The following CTNNB1 variants were observed in gnomAD, a reference collection of about 807,000 sequenced individuals.
CTNNB1 encodes catenin beta 1.
Under a neutral mutation model 82.5 loss-of-function variants are expected in CTNNB1, and 6 were observed. That is an observed-to-expected ratio of 0.07 (90% CI 0.04 to 0.14). CTNNB1 has a LOEUF of 0.14. CTNNB1 is among the 10% of genes least tolerant of loss of function. The pLI, the probability that CTNNB1 is intolerant of heterozygous loss-of-function variation, is 1.00. For missense variants in CTNNB1, 529 were observed against 980.4 expected (o/e 0.54, Z 6.15); for synonymous variants, 312 against 329.7 (o/e 0.95, Z 0.58).
intron 1 of CTNNB1, among the ~76,000 whole-genome samples, chr3:41,220,196 CT>C (rs1214462278): frequency 4.0e-5 from 6 of 149,200 alleles, no homozygotes; most frequent in East Asian, 3.9e-4. Context: ...TTTCCTATTT[CT>C]TTTTTTTTTC....
At chr3:41,212,810 GTTAT>G (rs1424057321) in intron 1 of CTNNB1, among the ~76,000 whole-genome samples, 2 of 152,178 alleles carry the variant, frequency 1.3e-5, no homozygotes, top group African/African-American at 2.4e-5. Flanking sequence ...CTTTATTCCT[GTTAT>G]TTAATTTTTC....
chr3:41,224,660 G>A lies in CTNNB1; in HGVS notation c.148G>A (p.Gly50Ser), dbSNP rs2078132558. The change falls in exon 3 of 15, where the codon GGC (glycine) becomes AGC (serine). Residue 50 changes from glycine (G) to serine (S), a missense_variant. By Grantham distance (56) the Gly-to-Ser change is moderately conservative. This residue lies in a region of CTNNB1 where 411 missense variants were observed against 776.4 expected (regional missense o/e 0.53). Transcript: ENST00000349496. ...TTTAPSLSGK[G>S]NPEEEDVDTS... ...CACAGCTCCTTCTCTGAGTGGTAAA[G>A]GCAATCCTGAGGAAGAGGATGTGGA... 6.2e-7 allele frequency: 1 copy of A among 1,613,958 alleles called. No individual in the cohort carries two copies. The highest frequency in any genetic ancestry group is 8.5e-7 in the Non-Finnish European group (1 of 1,179,952).
At chr3:41,237,540 C>T (rs2078466333) in intron 13 of CTNNB1, 1 of 154,212 alleles carries the variant, frequency 6.5e-6, no homozygotes, top group African/African-American at 2.4e-5. Flanking sequence ...AACTTGAGCC[C>T]TTAACTTTCT....
chr3:41,214,162 G>A (rs1215087902), intron 1 of CTNNB1, among the ~76,000 whole-genome samples: 1 of 152,098 alleles, frequency 6.6e-6, no homozygotes, highest in Non-Finnish European at 1.5e-5. Flanking sequence ...GGATCATATG[G>A]TTTGACTTTA....
intron 13 of CTNNB1, chr3:41,237,598 A>T (rs1266682485): frequency 5.9e-6 from 1 of 170,588 alleles, no homozygotes; most frequent in Non-Finnish European, 1.2e-5. Flanking sequence ...TCTCTGTCTT[A>T]GTTAATGTCA....
chr3:41,218,460 C>T (rs916080152), intron 1 of CTNNB1, among the ~76,000 whole-genome samples: 4 of 152,108 alleles, frequency 2.6e-5, no homozygotes, highest in Non-Finnish European at 4.4e-5. Flanking sequence ...TCTCATTTTA[C>T]TGTTATGAAT....
At chr3:41,229,859 C>T (rs375530832) in intron 7 of CTNNB1, among the ~76,000 whole-genome samples, 2 of 145,996 alleles carry the variant, frequency 1.4e-5, no homozygotes, top group Non-Finnish European at 3.0e-5. Flanking sequence ...ATGGTTTGTA[C>T]TAGGGCCTCT....
intron 1 of CTNNB1, among the ~76,000 whole-genome samples, chr3:41,202,599 T>C (rs1185538747): frequency 6.6e-6 from 1 of 152,178 alleles, no homozygotes; most frequent in Non-Finnish European, 1.5e-5. Flanking sequence ...ATGTAGCCAT[T>C]GCCTCCTTGT....
intron 1 of CTNNB1, among the ~76,000 whole-genome samples, chr3:41,213,911 A>AT (rs2077855329): frequency 1.3e-5 from 2 of 152,208 alleles, no homozygotes; most frequent in Admixed American, 1.3e-4. Context: ...AGAGAGCCTC[A>AT]TAATTATGAG....
At chr3:41,236,565 G>T (rs2078439702) in intron 12 of CTNNB1, 23 bp from the exon 13 acceptor site, 1 of 1,614,108 alleles carries the variant, frequency 6.2e-7, no homozygotes, top group Non-Finnish European at 8.5e-7. Flanking sequence ...TTCCTCAAGG[G>T]CCTTTTTCTC....
At position 41,234,178 on chromosome 3, in the gene CTNNB1, G is replaced by T. The variant is rs764576683; in HGVS notation, c.1564G>T (p.Ala522Ser). ...GLIRNLALCP[A>S]NHAPLREQGA... is the part of the protein sequence containing the mutation. ...GATTCGAAATCTTGCCCTTTGTCCC[G>T]CAAATCATGCACCTTTGCGTGAGCA... is the stretch of plus-strand genomic sequence containing the variant. Residue 522 changes from alanine to serine, a missense_variant, in exon 10 of 15, where the codon GCA (alanine) becomes TCA (serine). Ala to Ser is a moderately conservative substitution (Grantham distance 99, BLOSUM62 1). Transcript: ENST00000349496. 4.3e-6 allele frequency: 7 copies of T among 1,613,982 alleles called. No individual in the cohort carries two copies. Among genetic ancestry groups the T allele is most frequent in the South Asian group, 2.2e-5 (2 of 91,070 alleles).
At chr3:41,202,391 A>G (rs2077551762) in intron 1 of CTNNB1, among the ~76,000 whole-genome samples, 1 of 152,116 alleles carries the variant, frequency 6.6e-6, no homozygotes, top group East Asian at 1.9e-4. Flanking sequence ...AACAAAAGGT[A>G]TTTGCAACTC....
chr3:41,216,308 C>T (rs906373858), intron 1 of CTNNB1, among the ~76,000 whole-genome samples: 5 of 152,144 alleles, frequency 3.3e-5, no homozygotes, highest in African/African-American at 1.2e-4. Context: ...AAGGCAGTAT[C>T]CTAAAATTAT....
Position 41,225,303 on chromosome 3 carries a change from CT to C in CTNNB1, c.496-30del. Reference sequence around the variant, plus strand: ...TCTACCCAATACCAGTACTTGAAAACTAACGATGTTTCTGAATTCCTGTATT... The same window carrying C: ...TCTACCCAATACCAGTACTTGAAAACAACGATGTTTCTGAATTCCTGTATT... On this transcript the variant is annotated intron_variant, in intron 4 of 14. Transcript: ENST00000349496. The surrounding 1 kb of genome is among the most constrained non-coding windows in gnomAD (Gnocchi z 5.3). 1 of 1,613,818 alleles carries C rather than the reference CT, an allele frequency of 6.2e-7. No individual in the cohort carries two copies. The highest frequency in any genetic ancestry group is 8.5e-7 in the Non-Finnish European group (1 of 1,179,776).
chr3:41,234,111 T>C, intron 9 of CTNNB1, 28 bp from the exon 10 acceptor site: 1 of 1,614,150 alleles, frequency 6.2e-7, no homozygotes, highest in Non-Finnish European at 8.5e-7. Context: ...TGTTGAGTTG[T>C]ATGCCAGTTC....
At position 41,227,885 on chromosome 3, in the gene CTNNB1, G is replaced by A. The variant is rs568418646; in HGVS notation, c.1081+533G>A. On this transcript the variant is annotated intron_variant, in intron 7 of 14. Coordinates refer to ENST00000349496, the MANE Select transcript of CTNNB1 (RefSeq NM_001904.4). ...TTTTTCAGTTCTTTACCTCCCACCC[G>A]TAAGTAGGCCCCAGTGTCTGTTGTT... Among the ~76,000 whole-genome samples, 100 of 152,118 alleles carry A rather than the reference G, an allele frequency of 6.6e-4. 1 individual carries two copies. The highest frequency in any genetic ancestry group is 3.4e-3 in the Middle Eastern group (1 of 294).
chr3:41,215,255 T>C (rs1023628767), intron 1 of CTNNB1, among the ~76,000 whole-genome samples: 1 of 139,560 alleles, frequency 7.2e-6, no homozygotes, highest in Non-Finnish European at 1.5e-5. Context: ...GGGTTGGTGG[T>C]GGGCAGTAAT....
intron 1 of CTNNB1, among the ~76,000 whole-genome samples, chr3:41,215,493 A>G (rs2077896162): frequency 6.8e-6 from 1 of 147,788 alleles, no homozygotes. Context: ...TGAGCATTTT[A>G]TTTTTTATTA....
At chr3:41,224,868 G>A (rs1186088400) in intron 3 of CTNNB1, 86 bp from the exon 4 acceptor site, 1 of 1,603,472 alleles carries the variant, frequency 6.2e-7, no homozygotes, top group Non-Finnish European at 8.5e-7. Context: ...GAGAGTAATA[G>A]CAATGTCACT....
Sources: allele counts gnomAD v4.1 joint callset (sites outside exome capture counted in the v4.1 genomes callset), GRCh38; gene constraint gnomAD v4.1.1; regional missense constraint gnomAD v4.1.1; non-coding constraint Gnocchi (gnomAD v3.1); transcripts MANE v1.5; gene names NCBI Gene and HGNC (gene_info 2026-07-23, HGNC 2026-07-21).